Variants in TRAPPC9 observed in about 807,000 individuals in gnomAD.
The protein encoded by TRAPPC9 is IKK2 binding protein.
TRAPPC9 carries 83 observed loss-of-function variants against 124.0 expected under a neutral mutation model. The observed-to-expected ratio is 0.67, with a 90% CI of 0.56 to 0.80. TRAPPC9 has a LOEUF of 0.80. Among genes scored for constraint, TRAPPC9 ranks in the 30% least tolerant of loss-of-function variants. TRAPPC9 has a pLI of 0.00. For synonymous variants in TRAPPC9, 638 were observed against 617.5 expected (o/e 1.03, Z -0.49); for missense variants, 1,302 against 1,508.3 (o/e 0.86, Z 2.27).
At chr8:139,975,782 C>T (rs1353742781) in intron 19 of TRAPPC9, among the ~76,000 whole-genome samples, 1 of 152,168 alleles carries the variant, frequency 6.6e-6, no homozygotes, top group Non-Finnish European at 1.5e-5. Context: ...CCCCTCCTCT[C>T]TTCATGTCAC....
At chr8:139,737,102 G>A (rs1306994922) in intron 21 of TRAPPC9, among the ~76,000 whole-genome samples, 1 of 152,220 alleles carries the variant, frequency 6.6e-6, no homozygotes, top group Non-Finnish European at 1.5e-5. Context: ...TGAAAGCGCG[G>A]GTGCTGCTGG....
In TRAPPC9 at chr8:140,457,641, A is replaced by T. The variant is rs2071732671; in HGVS notation, c.-13T>A. ...GAGCCCCCCCGCTTTGCACTTACACAGCCGGTGGCCCCGGGCCCGGAGCGG... is the reference window on the plus strand; with the variant it reads ...GAGCCCCCCCGCTTTGCACTTACACTGCCGGTGGCCCCGGGCCCGGAGCGG... On this transcript the variant is annotated splice_region_variant and 5_prime_UTR_variant, in exon 1 of 23. Coordinates refer to ENST00000438773, the MANE Select transcript of TRAPPC9 (RefSeq NM_001160372.4). 1 of 986,298 alleles carries T rather than the reference A, an allele frequency of 1.0e-6. No individual in the cohort carries two copies. The highest frequency in any genetic ancestry group is 1.2e-6 in the Non-Finnish European group (1 of 830,570). 61.1% of individuals were successfully genotyped at this position (986,298 alleles called of 1,614,324 possible).
In TRAPPC9 at chr8:140,145,712, TG is replaced by T. The variant is rs569216146; in HGVS notation, c.2556+75746del. ...AGTTTTTTTGGGGGGTTTTTGTTTT[TG>T]TTTTTGTTTTTTTTTAGTATGCTAA... On this transcript the variant is annotated intron_variant, in intron 17 of 22. Transcript: ENST00000438773. Among the ~76,000 whole-genome samples, 445 of 152,268 alleles carry T rather than the reference TG, an allele frequency of 2.9e-3. 2 individuals are homozygous for T. The highest frequency in any genetic ancestry group is 0.01 in the African/African-American group (428 of 41,540).
At chr8:139,841,571 C>T (rs1327340308) in intron 21 of TRAPPC9, among the ~76,000 whole-genome samples, 1 of 152,228 alleles carries the variant, frequency 6.6e-6, no homozygotes, top group African/African-American at 2.4e-5. Flanking sequence ...CTGGCCAATC[C>T]ATCCCAGGGC....
chr8:140,306,221 C>T (rs1180724774), intron 10 of TRAPPC9, among the ~76,000 whole-genome samples: 3 of 152,064 alleles, frequency 2.0e-5, no homozygotes, highest in Non-Finnish European at 2.9e-5. Context: ...GGAGACCAGG[C>T]GTGGTGGCTC....
At chr8:140,130,140 G>A (rs2061178626) in intron 17 of TRAPPC9, among the ~76,000 whole-genome samples, 1 of 152,090 alleles carries the variant, frequency 6.6e-6, no homozygotes, top group South Asian at 2.1e-4. Flanking sequence ...AGGCAATCTG[G>A]GTATCAAAAT....
chr8:139,752,819 C>A (rs1248832891), intron 21 of TRAPPC9, among the ~76,000 whole-genome samples: 1 of 151,196 alleles, frequency 6.6e-6, no homozygotes, highest in East Asian at 2.0e-4. Context: ...ATCCACCATC[C>A]ATCCACCATC....
chr8:139,932,999 C>CA (rs1363131569), intron 19 of TRAPPC9: 1 of 156,134 alleles, frequency 6.4e-6, no homozygotes, highest in Non-Finnish European at 1.4e-5. Context: ...AGGCATGGCG[C>CA]AAAAAAGCCA....
intron 17 of TRAPPC9, among the ~76,000 whole-genome samples, chr8:140,058,586 C>A (rs1352492394): frequency 6.6e-6 from 1 of 152,216 alleles, no homozygotes; most frequent in East Asian, 1.9e-4. Flanking sequence ...AGGAACCTCA[C>A]AGACAAAGAC....
At chr8:139,787,229 G>T (rs1822322366) in intron 21 of TRAPPC9, among the ~76,000 whole-genome samples, 1 of 152,000 alleles carries the variant, frequency 6.6e-6, no homozygotes, top group African/African-American at 2.4e-5. Context: ...GTCACTGCTT[G>T]ATTTGAATTT....
At chr8:140,052,707 G>A (rs1268591843) in intron 17 of TRAPPC9, among the ~76,000 whole-genome samples, 4 of 152,010 alleles carry the variant, frequency 2.6e-5, no homozygotes, top group Non-Finnish European at 5.9e-5. Context: ...GCTTGAACCC[G>A]GGAAGCAGAG....
chr8:140,238,808 G>A (rs1434423479), intron 16 of TRAPPC9, among the ~76,000 whole-genome samples: 1 of 152,244 alleles, frequency 6.6e-6, no homozygotes, highest in East Asian at 1.9e-4. Flanking sequence ...TGCCTGATCA[G>A]AGAGCTGGGG....
At chr8:140,064,896 T>C (rs1842827930) in intron 17 of TRAPPC9, among the ~76,000 whole-genome samples, 1 of 152,188 alleles carries the variant, frequency 6.6e-6, no homozygotes, top group Admixed American at 6.5e-5. Flanking sequence ...CATCCAAGTC[T>C]CCTGAAACAA....
intron 9 of TRAPPC9, among the ~76,000 whole-genome samples, chr8:140,342,634 T>C (rs2067226424): frequency 1.3e-5 from 2 of 152,098 alleles, no homozygotes; most frequent in Non-Finnish European, 2.9e-5. Context: ...AACACAGCAA[T>C]GCAGATGCAT....
chr8:140,258,498 C>T (rs2131540347), intron 15 of TRAPPC9, among the ~76,000 whole-genome samples: 1 of 152,348 alleles, frequency 6.6e-6, no homozygotes, highest in East Asian at 1.9e-4. Flanking sequence ...TTCCTGATCT[C>T]TCACCTAAAC....
chr8:140,111,907 C>T (rs1197977786), intron 17 of TRAPPC9, among the ~76,000 whole-genome samples: 2 of 152,280 alleles, frequency 1.3e-5, no homozygotes, highest in Non-Finnish European at 2.9e-5. Context: ...TGCGCCAGCA[C>T]ACTCCATCAA....
chr8:140,024,023 T>A lies in TRAPPC9; in HGVS notation c.2613A>T (p.Gly871=). Residue 871 remains glycine (G), a synonymous_variant, in exon 18 of 23, where the codon GGA becomes GGT. Transcript: ENST00000438773. ...GCCCCAGGGAGAGATTCCTGTAATA[T>A]CCTTCAGTGTGGCCCGGGCCTCCAG... ...KYSGGPGHTE[G]YYRNLSLGLH... is the part of the protein sequence containing the mutation. 1.2e-6 allele frequency: 2 copies of A among 1,613,938 alleles called. No individual in the cohort carries two copies. Among genetic ancestry groups the A allele is most frequent in the Non-Finnish European group, 1.7e-6 (2 of 1,180,008 alleles).
rs761584801 is a variant in TRAPPC9, at chr8:140,450,903, G to A, written c.471C>T (p.Ile157=). ...RIEDFIESLF[I]VLESKRLDRA... is the part of the protein sequence containing the mutation. ...TGTCCAGACGCTTGGACTCCAGCAC[G>A]ATGAACAGTGACTCGATGAAGTCCT... is the stretch of plus-strand genomic sequence containing the variant. The change falls in exon 2 of 23, where the codon ATC becomes ATT. Residue 157 remains isoleucine, a synonymous_variant. Coordinates refer to ENST00000438773, the MANE Select transcript of TRAPPC9 (RefSeq NM_001160372.4). 211 of 1,613,974 alleles carry A rather than the reference G, an allele frequency of 1.3e-4. No homozygotes were observed. The highest frequency in any genetic ancestry group is 1.6e-4 in the Non-Finnish European group (194 of 1,180,024).
intron 18 of TRAPPC9, among the ~76,000 whole-genome samples, chr8:140,008,840 T>C (rs896908052): frequency 6.6e-6 from 1 of 152,228 alleles, no homozygotes; most frequent in Non-Finnish European, 1.5e-5. Flanking sequence ...CAATATTTAT[T>C]TTCTAAATAT....
Sources: gnomAD v4.1 joint callset for allele counts (sites outside exome capture counted in the v4.1 genomes callset) on GRCh38, gnomAD v4.1.1 for gene constraint, MANE v1.5 for transcripts, NCBI Gene and HGNC (gene_info 2026-07-23, HGNC 2026-07-21) for gene names.